KCNH7: variants seen among roughly 807,000 people sequenced by gnomAD.
KCNH7 encodes the protein potassium voltage-gated channel subfamily H member 7, also known as voltage-gated inwardly rectifying potassium channel KCNH7.
In KCNH7, 49 loss-of-function variants were observed where a neutral mutation model predicts 120.8. That is an observed-to-expected ratio of 0.41 (90% CI 0.32 to 0.51). The LOEUF is 0.51. Among genes scored for constraint, KCNH7 ranks in the 20% least tolerant of loss-of-function variants. KCNH7 has a pLI of 0.38. For synonymous variants in KCNH7, 547 were observed against 516.1 expected (o/e 1.06, Z -0.81); for missense variants, 1,097 against 1,446.6 (o/e 0.76, Z 3.92).
At chr2:162,769,428 TACAA>T (rs1238823495) in intron 2 of KCNH7, among the ~76,000 whole-genome samples, 1 of 152,246 alleles carries the variant, frequency 6.6e-6, no homozygotes, top group East Asian at 1.9e-4. Context: ...AGTTGCTGCA[TACAA>T]ACAAATTTAA....
At chr2:162,609,544 C>A (rs1351403347) in intron 2 of KCNH7, among the ~76,000 whole-genome samples, 1 of 152,026 alleles carries the variant, frequency 6.6e-6, no homozygotes, top group Non-Finnish European at 1.5e-5. Flanking sequence ...TTTAGTCTAA[C>A]CTTTTTATTG....
chr2:162,693,368 A>G (rs13021962), intron 2 of KCNH7, among the ~76,000 whole-genome samples: 25,783 of 152,120 alleles, frequency 0.17, 2,534 homozygotes, highest in East Asian at 0.46. Flanking sequence ...AATTTTCAAG[A>G]TGGGTGTGGT....
chr2:162,474,141 T>A (rs1689655661), intron 6 of KCNH7, among the ~76,000 whole-genome samples: 2 of 152,174 alleles, frequency 1.3e-5, no homozygotes, highest in Admixed American at 1.3e-4. Context: ...CCATTTCAGG[T>A]TTCAATGAAG....
chr2:162,739,062 CCTACTGTCATT>C (rs1348519973), intron 2 of KCNH7, among the ~76,000 whole-genome samples: 2 of 152,152 alleles, frequency 1.3e-5, no homozygotes, highest in African/African-American at 4.8e-5. Flanking sequence ...GTTCCCCTTG[CCTACTGTCATT>C]CAGGCCCTTC....
chr2:162,544,709 C>T (rs1692418504), intron 2 of KCNH7, among the ~76,000 whole-genome samples: 7 of 152,034 alleles, frequency 4.6e-5, no homozygotes, highest in Admixed American at 4.6e-4. Flanking sequence ...TGTCCATTTC[C>T]ACCCCACTGC....
rs184730137 is a variant in KCNH7, at chr2:162,470,096, G to T, written c.1129-23653C>A. On this transcript the variant is annotated intron_variant, in intron 6 of 15. Coordinates refer to ENST00000332142, the MANE Select transcript of KCNH7 (RefSeq NM_033272.4). ...CAGCCGCCTGCCTTGGCCTCCCAAA[G>T]TGCCGAGATTGCAGCCTCTACCCGG... 3.4e-3 allele frequency among the ~76,000 whole-genome samples: 522 copies of T among 152,324 alleles called. 3 individuals carry two copies. Among genetic ancestry groups the T allele is most frequent in the African/African-American group, 0.012 (501 of 41,572 alleles).
chr2:162,675,299 A>G (rs973060248), intron 2 of KCNH7, among the ~76,000 whole-genome samples: 2 of 151,498 alleles, frequency 1.3e-5, no homozygotes, highest in Non-Finnish European at 3.0e-5. Context: ...AGTAGATCCA[A>G]AATTAAGAAG....
At chr2:162,601,493 T>C (rs1694556382) in intron 2 of KCNH7, among the ~76,000 whole-genome samples, 1 of 137,742 alleles carries the variant, frequency 7.3e-6, no homozygotes. Flanking sequence ...TAACCTTTAA[T>C]GATCTTGCCA....
At chr2:162,659,934 A>G (rs1191780081) in intron 2 of KCNH7, among the ~76,000 whole-genome samples, 1 of 152,080 alleles carries the variant, frequency 6.6e-6, no homozygotes, top group Non-Finnish European at 1.5e-5. Flanking sequence ...CTTTTGGAAG[A>G]TTATTTTCTT....
chr2:162,735,428 T>A (rs190071098), intron 2 of KCNH7, among the ~76,000 whole-genome samples: 3 of 152,306 alleles, frequency 2.0e-5, no homozygotes, highest in Admixed American at 2.0e-4. Context: ...TCCTATAAGT[T>A]GCTTATGGCA....
chr2:162,709,415 G>A (rs1686839831), intron 2 of KCNH7, among the ~76,000 whole-genome samples: 1 of 151,940 alleles, frequency 6.6e-6, no homozygotes, highest in African/African-American at 2.4e-5. Context: ...CAATCCAGTG[G>A]GCATTAACAG....
rs1693353250 is a variant in KCNH7 at position 162,568,785 on chromosome 2, T to A, written c.308-31705A>T. ...AACTTTTTAAGCTTTATATAGTAAC[T>A]TCATATTTTTTCTCAGATATTGCAT... On this transcript the variant is annotated intron_variant, in intron 2 of 15. Coordinates refer to ENST00000332142, the MANE Select transcript of KCNH7 (RefSeq NM_033272.4). Among the ~76,000 whole-genome samples the A allele has an allele frequency of 2.0e-5, 3 of 152,126 alleles. No individual in the cohort carries two copies. In the South Asian group the frequency reaches 6.2e-4, roughly 31 times the overall value.
chr2:162,470,920 G>A (rs937149846), intron 6 of KCNH7, among the ~76,000 whole-genome samples: 4 of 152,202 alleles, frequency 2.6e-5, no homozygotes, highest in Non-Finnish European at 4.4e-5. Context: ...CTTCTGCCTT[G>A]GGATCCTGTT....
At chr2:162,698,174 A>C (rs1338342346) in intron 2 of KCNH7, among the ~76,000 whole-genome samples, 1 of 152,092 alleles carries the variant, frequency 6.6e-6, no homozygotes, top group Non-Finnish European at 1.5e-5. Context: ...AAAACATTTA[A>C]TTTTTGCAAG....
chr2:162,448,050 T>G (rs752074274), intron 6 of KCNH7, among the ~76,000 whole-genome samples: 1 of 152,098 alleles, frequency 6.6e-6, no homozygotes, highest in Non-Finnish European at 1.5e-5. Context: ...TAAGCTATTA[T>G]GAGAAATGAT....
Position 162,523,445 on chromosome 2 carries a change from C to A in KCNH7, c.464-5287G>T, listed in dbSNP as rs1001860266. Among the ~76,000 whole-genome samples, 4 of 151,842 alleles carry A rather than the reference C, an allele frequency of 2.6e-5. No homozygotes were observed. The East Asian group carries it at 7.8e-4, about 30-fold the overall frequency. ...CAATGATAACAACTACATTTATAAC[C>A]TATTTCCTATGGTAATGGGGCTTCA... On this transcript the variant is annotated intron_variant, in intron 3 of 15. Coordinates refer to ENST00000332142, the MANE Select transcript of KCNH7 (RefSeq NM_033272.4).
chr2:162,696,614 G>A lies in KCNH7; in HGVS notation c.307+139923C>T, dbSNP rs143943171. On this transcript the variant is annotated intron_variant, in intron 2 of 15. Coordinates refer to ENST00000332142, the MANE Select transcript of KCNH7 (RefSeq NM_033272.4). Reference sequence around the variant, plus strand: ...AATGAACATCTCTTGCACTTGAACTGTGGCCTTTTCCATAAAAAGATCCTA... The same window carrying A: ...AATGAACATCTCTTGCACTTGAACTATGGCCTTTTCCATAAAAAGATCCTA... 1.7e-3 allele frequency among the ~76,000 whole-genome samples: 257 copies of A among 151,954 alleles called. 4 individuals are homozygous for A. The East Asian group carries it at 0.041, about 24-fold the overall frequency.
chr2:162,748,381 G>A (rs1375233521), intron 2 of KCNH7, among the ~76,000 whole-genome samples: 1 of 152,072 alleles, frequency 6.6e-6, no homozygotes, highest in Non-Finnish European at 1.5e-5. Flanking sequence ...GAGATGAGAT[G>A]GACTAAGTTT....
intron 2 of KCNH7, among the ~76,000 whole-genome samples, chr2:162,648,408 C>T (rs1039811424): frequency 6.6e-6 from 1 of 152,168 alleles, no homozygotes; most frequent in Non-Finnish European, 1.5e-5. Flanking sequence ...CCCACCAGGT[C>T]CTTCCTTCAA....
Sources: gnomAD v4.1 joint callset for allele counts (sites outside exome capture counted in the v4.1 genomes callset) on GRCh38, gnomAD v4.1.1 for gene constraint, MANE v1.5 for transcripts, NCBI Gene and HGNC (gene_info 2026-07-23, HGNC 2026-07-21) for gene names.